The following SOX11 variants were observed in gnomAD, a reference collection of about 807,000 sequenced individuals.
SOX11 encodes SRY-box transcription factor 11.
SOX11 carries 5 observed loss-of-function variants against 16.7 expected under a neutral mutation model. That is an observed-to-expected ratio of 0.30 (90% CI 0.16 to 0.63). The LOEUF (loss-of-function observed/expected upper bound fraction) is 0.63. Among genes scored for constraint, SOX11 ranks in the 20% least tolerant of loss-of-function variants. The pLI is 0.82. For synonymous variants in SOX11, 363 were observed against 298.8 expected (o/e 1.21, Z -2.22); for missense variants, 492 against 641.5 (o/e 0.77, Z 2.52).
Position 5,693,843 on chromosome 2 carries a change from C to G in SOX11, c.1122C>G (p.His374Gln). The G allele has an allele frequency of 1.3e-6, 2 of 1,551,178 alleles. No homozygotes were observed. The highest frequency in any genetic ancestry group is 1.7e-6 in the Non-Finnish European group (2 of 1,146,930). The change falls in exon 1 of 1, where the codon CAC becomes CAG. Residue 374 changes from histidine to glutamine, a missense_variant. Coordinates refer to ENST00000322002, the MANE Select transcript of SOX11 (RefSeq NM_003108.4). The surrounding 1 kb of genome is among the most constrained non-coding windows in gnomAD (Gnocchi z 8.6). ...DLSLNFSQSAHSASEQQLGGG... is the reference protein window; with the variant it reads ...DLSLNFSQSAQSASEQQLGGG... ...GCTTGAATTTCTCTCAAAGCGCGCA[C>G]AGCGCCAGCGAGCAGCAGCTGGGGG...
chr2:5,694,519 C>A lies in SOX11; in HGVS notation c.*472C>A. ...TTTGAAGCTTGTCGGTCTTTGAAGT[C>A]TGGAAGACGTCTGCAGAGGACCCTT... is the stretch of plus-strand genomic sequence containing the variant. On this transcript the variant is annotated 3_prime_UTR_variant, in exon 1 of 1. Transcript: ENST00000322002. The A allele has an allele frequency of 3.3e-6, 1 of 301,652 alleles. No individual in the cohort carries two copies. Among genetic ancestry groups the A allele is most frequent in the East Asian group, 5.8e-5 (1 of 17,230 alleles). The allele number at this position is 301,652 out of a possible 1,614,324, so 18.7% of individuals were successfully genotyped here.
In SOX11 at chr2:5,694,064, G is replaced by T. The variant is rs1003570410; in HGVS notation, c.*17G>T. 7.1e-6 allele frequency: 11 copies of T among 1,542,890 alleles called. No homozygotes were observed. Among genetic ancestry groups the T allele is most frequent in the Non-Finnish European group, 8.8e-6 (10 of 1,142,684 alleles). On this transcript the variant is annotated 3_prime_UTR_variant, in exon 1 of 1. Coordinates refer to ENST00000322002, the MANE Select transcript of SOX11 (RefSeq NM_003108.4). ...ACATATTGAAAGGCGCCCGCTGCTCGCTCTTTCTCTCGGAGGGTGCAGAGC... is the reference window on the plus strand; with the variant it reads ...ACATATTGAAAGGCGCCCGCTGCTCTCTCTTTCTCTCGGAGGGTGCAGAGC...
At position 5,697,184 on chromosome 2, in the gene SOX11, C is replaced by G. The variant is rs1665751400; in HGVS notation, c.*3137C>G. On this transcript the variant is annotated 3_prime_UTR_variant, in exon 1 of 1. Coordinates refer to ENST00000322002, the MANE Select transcript of SOX11 (RefSeq NM_003108.4). Reference sequence around the variant, plus strand: ...GGCCGCTCGGGGCCCAGCGTGCCAGCCCCGGAGTTCAGCCTCCCGAGCTGC... The same window carrying G: ...GGCCGCTCGGGGCCCAGCGTGCCAGGCCCGGAGTTCAGCCTCCCGAGCTGC... 6.0e-6 allele frequency: 1 copy of G among 166,226 alleles called. No homozygotes were observed. Among genetic ancestry groups the G allele is most frequent in the Non-Finnish European group, 1.5e-5 (1 of 68,136 alleles). 10.3% of individuals were successfully genotyped at this position (166,226 alleles called of 1,614,324 possible). A position where few individuals can be genotyped will look rare whatever the true frequency, so the allele number is the denominator to read the frequency against.
Position 5,700,792 on chromosome 2 carries a change from G to A in SOX11, c.*6745G>A, listed in dbSNP as rs1325201956. 3 of 166,988 alleles carry A rather than the reference G, an allele frequency of 1.8e-5. No homozygotes were observed. Among genetic ancestry groups the A allele is most frequent in the African/African-American group, 7.2e-5 (3 of 41,440 alleles). 10.3% of individuals were successfully genotyped at this position (166,988 alleles called of 1,614,324 possible). On this transcript the variant is annotated 3_prime_UTR_variant, in exon 1 of 1. Transcript: ENST00000322002. ...GGACAGAACCACCTGATGTTTTAGAGCAGTTTTCAGCATGACACTGTTAAC... is the reference window on the plus strand; with the variant it reads ...GGACAGAACCACCTGATGTTTTAGAACAGTTTTCAGCATGACACTGTTAAC...
In SOX11 at chr2:5,700,032, C is replaced by A. The variant is rs1337413978; in HGVS notation, c.*5985C>A. 1.8e-5 allele frequency: 3 copies of A among 167,064 alleles called. No homozygotes were observed. Among genetic ancestry groups the A allele is most frequent in the Non-Finnish European group, 4.4e-5 (3 of 68,120 alleles). 10.3% of individuals were successfully genotyped at this position (167,064 alleles called of 1,614,324 possible). ...TTGGGTAGAGATATTCTTACAAGAT[C>A]TAGCACCTCTGCCAGTGCACAGATA... On this transcript the variant is annotated 3_prime_UTR_variant, in exon 1 of 1. Coordinates refer to ENST00000322002, the MANE Select transcript of SOX11 (RefSeq NM_003108.4).
At position 5,699,021 on chromosome 2, in the gene SOX11, T is replaced by G. The variant is rs1331163662; in HGVS notation, c.*4974T>G. ...ATCTTAACTTTTTTATTCTCTGATA[T>G]GATTAATAATATGTATATTCTTACT... is the stretch of plus-strand genomic sequence containing the variant. On this transcript the variant is annotated 3_prime_UTR_variant, in exon 1 of 1. Transcript: ENST00000322002. 6.0e-6 allele frequency: 1 copy of G among 167,052 alleles called. No homozygotes were observed. Among genetic ancestry groups the G allele is most frequent in the East Asian group, 1.9e-4 (1 of 5,208 alleles). The allele number at this position is 167,052 out of a possible 1,614,324, so 10.3% of individuals were successfully genotyped here.
chr2:5,694,026 C>T lies in SOX11; in HGVS notation c.1305C>T (p.Ser435=), dbSNP rs760291564. 3 of 1,550,848 alleles carry T rather than the reference C, an allele frequency of 1.9e-6. No individual in the cohort carries two copies. Among genetic ancestry groups the T allele is most frequent in the Non-Finnish European group, 1.7e-6 (2 of 1,146,856 alleles). Residue 435 remains serine, a synonymous_variant, in exon 1 of 1, where the codon TCC becomes TCT. Transcript: ENST00000322002. ...IAGDWLEANF[S]DLVFTY ...GGGACTGGCTGGAGGCGAACTTCTCCGACCTGGTGTTCACATATTGAAAGG... is the reference window on the plus strand; with the variant it reads ...GGGACTGGCTGGAGGCGAACTTCTCTGACCTGGTGTTCACATATTGAAAGG...
In SOX11 at chr2:5,692,709, C is replaced by A. The variant is rs1372081639; in HGVS notation, c.-13C>A. 2 of 1,564,902 alleles carry A rather than the reference C, an allele frequency of 1.3e-6. No individual in the cohort carries two copies. The highest frequency in any genetic ancestry group is 2.4e-5 in the South Asian group (2 of 82,188). ...AGCGGCCCGGGTTGGAGCGTCCAGC[C>A]CTGCAGCGGATCATGGTGCAGCAGG... On this transcript the variant is annotated 5_prime_UTR_variant, in exon 1 of 1. Transcript: ENST00000322002.
In SOX11 at chr2:5,693,873, C is replaced by A. The variant is rs370958574; in HGVS notation, c.1152C>A (p.Gly384=). ...HSASEQQLGG[G]AAAGNLSLSL... ...CCAGCGAGCAGCAGCTGGGGGGCGG[C>A]GCGGCGGCCGGGAACCTGTCCCTGT... Residue 384 remains glycine, a synonymous_variant, in exon 1 of 1, where the codon GGC becomes GGA. Coordinates refer to ENST00000322002, the MANE Select transcript of SOX11 (RefSeq NM_003108.4). The surrounding 1 kb of genome is among the most constrained non-coding windows in gnomAD (Gnocchi z 8.6). The A allele has an allele frequency of 3.2e-6, 5 of 1,551,392 alleles. 1 individual carries two copies. In the South Asian group the frequency reaches 4.8e-5, roughly 15 times the overall value.
rs112726300 is a variant in SOX11 at position 5,697,370 on chromosome 2, C to T, written c.*3323C>T. 1,376 of 167,246 alleles carry T rather than the reference C, an allele frequency of 8.2e-3. 22 individuals are homozygous for T. The highest frequency in any genetic ancestry group is 0.031 in the African/African-American group (1,299 of 41,570). The allele number at this position is 167,246 out of a possible 1,614,324, so 10.4% of individuals were successfully genotyped here. ...AGCGTCCGCACAGTAACTGCAGCTG[C>T]TAGGCCAGAGGGGCCCCGGCGCCCT... On this transcript the variant is annotated 3_prime_UTR_variant, in exon 1 of 1. Transcript: ENST00000322002.
chr2:5,697,117 G>GC lies in SOX11; in HGVS notation c.*3072dup, dbSNP rs1051293004. The stretch of plus-strand genomic sequence containing the variant: ...GCTCCCGCCCCCCTTCCGAGCATCC[G>GC]CCGCCTCTTTTCTGCTGGGTCTGGG... On this transcript the variant is annotated 3_prime_UTR_variant, in exon 1 of 1. Transcript: ENST00000322002. 2.5e-5 allele frequency: 4 copies of GC among 162,122 alleles called. No individual in the cohort carries two copies. Among genetic ancestry groups the GC allele is most frequent in the African/African-American group, 9.7e-5 (4 of 41,392 alleles). 10.0% of individuals were successfully genotyped at this position (162,122 alleles called of 1,614,324 possible).
At position 5,692,602 on chromosome 2, in the gene SOX11, G is replaced by A. The variant is rs2103276135; in HGVS notation, c.-120G>A. 2.8e-6 allele frequency: 2 copies of A among 724,068 alleles called. No individual in the cohort carries two copies. Among genetic ancestry groups the A allele is most frequent in the Non-Finnish European group, 4.2e-6 (2 of 471,778 alleles). 44.9% of individuals were successfully genotyped at this position (724,068 alleles called of 1,614,324 possible). ...GGGCGGGGGGGAGGGGGGGAGCCGC[G>A]AAAGCGGGGTGCCGAGGACTTTGCA... On this transcript the variant is annotated 5_prime_UTR_variant, in exon 1 of 1. Transcript: ENST00000322002.
At position 5,693,430 on chromosome 2, in the gene SOX11, C is replaced by T; in HGVS notation, c.709C>T (p.Leu237=). The T allele has an allele frequency of 1.9e-6, 3 of 1,591,866 alleles. No individual in the cohort carries two copies. The highest frequency in any genetic ancestry group is 2.2e-5 in the South Asian group (2 of 90,032). The change falls in exon 1 of 1, where the codon CTG becomes TTG. Residue 237 remains leucine, a synonymous_variant. Transcript: ENST00000322002. The surrounding 1 kb of genome is among the most constrained non-coding windows in gnomAD (Gnocchi z 8.6). The part of the protein sequence containing the change: ...DDDDDDDELQ[L]QIKQEPDEED... ...CGACGACGACGACGACGAGCTGCAG[C>T]TGCAGATCAAACAGGAGCCGGACGA...
rs930914883 is a variant in SOX11 at position 5,699,660 on chromosome 2, G to T, written c.*5613G>T. 2 of 161,794 alleles carry T rather than the reference G, an allele frequency of 1.2e-5. No individual in the cohort carries two copies. The highest frequency in any genetic ancestry group is 2.0e-4 in the East Asian group (1 of 5,082). 10.0% of individuals were successfully genotyped at this position (161,794 alleles called of 1,614,324 possible). On this transcript the variant is annotated 3_prime_UTR_variant, in exon 1 of 1. Transcript: ENST00000322002. ...CTACATTTTCAACCACAATAAAGATGAAACAAAATTTATGAAACTGAGCTC... is the reference window on the plus strand; with the variant it reads ...CTACATTTTCAACCACAATAAAGATTAAACAAAATTTATGAAACTGAGCTC...
At position 5,693,924 on chromosome 2, in the gene SOX11, G is replaced by A; in HGVS notation, c.1203G>A (p.Ser401=). 3.2e-6 allele frequency: 5 copies of A among 1,551,600 alleles called. No individual in the cohort carries two copies. Among genetic ancestry groups the A allele is most frequent in the Non-Finnish European group, 4.4e-6 (5 of 1,147,008 alleles). ...CGCTGGTGGATAAGGATTTGGATTC[G>A]TTCAGCGAGGGCAGCCTGGGCTCCC... ...SLSLVDKDLD[S]FSEGSLGSHF... Residue 401 remains serine, a synonymous_variant, in exon 1 of 1, where the codon TCG becomes TCA. Coordinates refer to ENST00000322002, the MANE Select transcript of SOX11 (RefSeq NM_003108.4). This position sits in a 1 kb window ranked among gnomAD's most constrained non-coding sequence, Gnocchi z 8.6.
rs1665705989 is a variant in SOX11, at chr2:5,695,107, CTG to C, written c.*1062_*1063del. ...TCCCTTTTGATTTCTTTTTTTTCCT[CTG>C]TTTTTTAGCATGCAAGTATGTTGGT... is the stretch of plus-strand genomic sequence containing the variant. On this transcript the variant is annotated 3_prime_UTR_variant, in exon 1 of 1. Transcript: ENST00000322002. The C allele has an allele frequency of 6.1e-6, 1 of 165,092 alleles. No homozygotes were observed. Among genetic ancestry groups the C allele is most frequent in the Non-Finnish European group, 1.5e-5 (1 of 67,642 alleles). 10.2% of individuals were successfully genotyped at this position (165,092 alleles called of 1,614,324 possible).
In SOX11 at chr2:5,698,361, G is replaced by A. The variant is rs1380944356; in HGVS notation, c.*4314G>A. ...CTTAAAATGGTAACCTGGGGGTGGC[G>A]GGTGGGTGCTGTGTGCACGGCAGCC... On this transcript the variant is annotated 3_prime_UTR_variant, in exon 1 of 1. Coordinates refer to ENST00000322002, the MANE Select transcript of SOX11 (RefSeq NM_003108.4). 1 of 167,032 alleles carries A rather than the reference G, an allele frequency of 6.0e-6. No homozygotes were observed. Among genetic ancestry groups the A allele is most frequent in the African/African-American group, 2.4e-5 (1 of 41,518 alleles). 10.3% of individuals were successfully genotyped at this position (167,032 alleles called of 1,614,324 possible).
In SOX11 at chr2:5,700,625, A is replaced by G. The variant is rs979657438; in HGVS notation, c.*6578A>G. ...ATTTTGTCTACTTTTACTCTTGTAC[A>G]TATGTTGTGGGTTTAAGAGTCTTTT... On this transcript the variant is annotated 3_prime_UTR_variant, in exon 1 of 1. Transcript: ENST00000322002. 6.0e-6 allele frequency: 1 copy of G among 167,034 alleles called. No homozygotes were observed. Among genetic ancestry groups the G allele is most frequent in the Non-Finnish European group, 1.5e-5 (1 of 68,130 alleles). The allele number at this position is 167,034 out of a possible 1,614,324, so 10.3% of individuals were successfully genotyped here. A position where few individuals can be genotyped will look rare whatever the true frequency, so the allele number is the denominator to read the frequency against.
At position 5,695,595 on chromosome 2, in the gene SOX11, T is replaced by C; in HGVS notation, c.*1548T>C. The C allele has an allele frequency of 6.8e-6, 1 of 146,872 alleles. No individual in the cohort carries two copies. Among genetic ancestry groups the C allele is most frequent in the East Asian group, 2.2e-4 (1 of 4,482 alleles). 9.1% of individuals were successfully genotyped at this position (146,872 alleles called of 1,614,324 possible). On this transcript the variant is annotated 3_prime_UTR_variant, in exon 1 of 1. Transcript: ENST00000322002. ...TTTTTTTTTTTTTTTGTGCTGGAAG[T>C]CTGTATCTTGACAATTTTAATAAAT...
Sources: gnomAD v4.1 joint callset for allele counts on GRCh38, gnomAD v4.1.1 for gene constraint, Gnocchi (gnomAD v3.1) non-coding constraint, MANE v1.5 for transcripts, NCBI Gene and HGNC (gene_info 2026-07-23, HGNC 2026-07-21) for gene names.